The following PSD3 variants were observed in gnomAD, a reference collection of about 807,000 sequenced individuals.
PSD3 encodes the protein pleckstrin and Sec7 domain containing 3, also known as PH and SEC7 domain-containing protein 3.
In PSD3, 49 loss-of-function variants were observed where a neutral mutation model predicts 105.5. That is an observed-to-expected ratio of 0.46 (90% CI 0.37 to 0.59). The LOEUF is 0.59. PSD3 is among the 20% of genes least tolerant of loss of function. The pLI is 0.00. For missense variants in PSD3, 1,561 were observed against 1,263.8 expected, an observed-to-expected ratio of 1.24 and a Z score of -3.57; for synonymous variants, 557 against 457.8, an observed-to-expected ratio of 1.22 and a Z score of -2.77.
At chr8:18,647,089 A>T (rs558343204) in intron 10 of PSD3, among the ~76,000 whole-genome samples, 1 of 152,224 alleles carries the variant, frequency 6.6e-6, no homozygotes, top group East Asian at 1.9e-4. Context: ...ACATAATGGC[A>T]AAGAAGTGGG....
At chr8:18,687,924 T>A (rs1338533646) in intron 9 of PSD3, among the ~76,000 whole-genome samples, 1 of 152,024 alleles carries the variant, frequency 6.6e-6, no homozygotes, top group African/African-American at 2.4e-5. Flanking sequence ...CCTGCCACCA[T>A]GCCTGGGTAA....
At chr8:18,705,569 T>C (rs926382251) in intron 9 of PSD3, among the ~76,000 whole-genome samples, 1 of 140,650 alleles carries the variant, frequency 7.1e-6, no homozygotes, top group African/African-American at 2.7e-5. Flanking sequence ...ATTCGTTAAA[T>C]AACATAAGGC....
At chr8:18,635,883 G>A (rs1807210892) in intron 10 of PSD3, among the ~76,000 whole-genome samples, 1 of 151,352 alleles carries the variant, frequency 6.6e-6, no homozygotes, top group African/African-American at 2.4e-5. Flanking sequence ...GGGGCCTGTT[G>A]GGGGTGGGGT....
At chr8:19,037,239 C>T (rs949429098) in intron 1 of PSD3, among the ~76,000 whole-genome samples, 1 of 152,236 alleles carries the variant, frequency 6.6e-6, no homozygotes, top group Non-Finnish European at 1.5e-5. Context: ...GGTCTGCTTG[C>T]AAGATGCCGA....
chr8:18,784,327 G>T (rs1293332830), intron 8 of PSD3, among the ~76,000 whole-genome samples: 1 of 151,698 alleles, frequency 6.6e-6, no homozygotes, highest in Admixed American at 6.6e-5. Context: ...TATGTGTTCA[G>T]AAGGAATAAG....
chr8:19,011,264 C>A (rs1189012270), intron 1 of PSD3, among the ~76,000 whole-genome samples: 2 of 152,174 alleles, frequency 1.3e-5, no homozygotes, highest in Non-Finnish European at 2.9e-5. Flanking sequence ...ACCAAGACTG[C>A]AATTAACCTA....
intron 1 of PSD3, among the ~76,000 whole-genome samples, chr8:19,064,575 G>A (rs540518419): frequency 1.4e-4 from 22 of 152,118 alleles, no homozygotes; most frequent in African/African-American, 4.8e-4. Context: ...TAATAATACC[G>A]AGATAATCTA....
chr8:18,961,702 T>A (rs1368589077), intron 1 of PSD3, among the ~76,000 whole-genome samples: 2 of 151,956 alleles, frequency 1.3e-5, no homozygotes, highest in African/African-American at 4.8e-5. Context: ...AATAAATAAA[T>A]GCAGAAGGTA....
At chr8:18,940,939 T>TG (rs1256517243) in intron 1 of PSD3, among the ~76,000 whole-genome samples, 1 of 152,188 alleles carries the variant, frequency 6.6e-6, no homozygotes, top group Non-Finnish European at 1.5e-5. Flanking sequence ...CCACCTGCAC[T>TG]GGGGGGTTAT....
intron 1 of PSD3, among the ~76,000 whole-genome samples, chr8:19,080,310 G>A (rs1408681526): frequency 6.6e-6 from 1 of 152,174 alleles, no homozygotes; most frequent in Non-Finnish European, 1.5e-5. Flanking sequence ...AATGAGAGAA[G>A]CTAGCTTTGT....
At position 18,531,785 on chromosome 8, in the gene PSD3, T is replaced by A. The variant is rs1585184210; in HGVS notation, c.*3958A>T. On this transcript the variant is annotated 3_prime_UTR_variant, in exon 16 of 16. Transcript: ENST00000327040. ...TTTAACAACTCTTAGGATGCCACTT[T>A]GGTTCTTTGTTTTACAGTGCTAATT... 6.6e-6 allele frequency: 1 copy of A among 152,260 alleles called. No individual in the cohort carries two copies. Among genetic ancestry groups the A allele is most frequent in the Non-Finnish European group, 1.5e-5 (1 of 68,046 alleles). The allele number at this position is 152,260 out of a possible 1,614,324, so 9.4% of individuals were successfully genotyped here.
chr8:18,936,772 G>C (rs1257652663), intron 1 of PSD3, among the ~76,000 whole-genome samples: 3 of 146,000 alleles, frequency 2.1e-5, no homozygotes, highest in Middle Eastern at 3.6e-3. Context: ...AAAAAAAAAA[G>C]AAAACTGTAT....
chr8:18,563,155 G>A (rs948498727), intron 14 of PSD3, among the ~76,000 whole-genome samples: 1 of 152,062 alleles, frequency 6.6e-6, no homozygotes, highest in Non-Finnish European at 1.5e-5. Context: ...CCAGTAAAGT[G>A]TTGAGCAGAG....
chr8:18,919,515 C>G (rs772518497), intron 2 of PSD3, among the ~76,000 whole-genome samples: 6 of 151,836 alleles, frequency 4.0e-5, no homozygotes, highest in Non-Finnish European at 7.4e-5. Context: ...GTTCAAGAAT[C>G]TGAATTTTTA....
intron 11 of PSD3, among the ~76,000 whole-genome samples, chr8:18,604,942 T>C (rs554869668): frequency 2.6e-5 from 4 of 152,292 alleles, no homozygotes; most frequent in African/African-American, 9.6e-5. Context: ...TTTCACAGGA[T>C]ATATGAAAAG....
At chr8:18,764,585 T>C (rs901094635) in intron 9 of PSD3, among the ~76,000 whole-genome samples, 2 of 152,216 alleles carry the variant, frequency 1.3e-5, no homozygotes, top group African/African-American at 4.8e-5. Context: ...CTCTATTCTA[T>C]GTAGCTTAAA....
chr8:18,776,779 C>T (rs1259127982), intron 8 of PSD3, among the ~76,000 whole-genome samples: 3 of 152,124 alleles, frequency 2.0e-5, no homozygotes, highest in African/African-American at 7.2e-5. Context: ...TCTCGTTACT[C>T]ATTACTGGTC....
intron 15 of PSD3, among the ~76,000 whole-genome samples, chr8:18,553,776 CT>C (rs1296116160): frequency 6.6e-6 from 1 of 152,168 alleles, no homozygotes; most frequent in Non-Finnish European, 1.5e-5. Context: ...TACAAAACCC[CT>C]TTTAGATGAC....
chr8:18,616,628 C>CTTTTTTTTTTTTTTTTTTT (rs71217391), intron 11 of PSD3, among the ~76,000 whole-genome samples: 3 of 126,776 alleles, frequency 2.4e-5, no homozygotes, highest in African/African-American at 6.0e-5. Context: ...CTTTTCTTTT[C>CTTTTTTTTTTTTTTTTTTT]TTTTTTTTTT....
Sources: allele counts gnomAD v4.1 joint callset (sites outside exome capture counted in the v4.1 genomes callset), GRCh38; gene constraint gnomAD v4.1.1; transcripts MANE v1.5; gene names NCBI Gene and HGNC (gene_info 2026-07-23, HGNC 2026-07-21).